Variants in BRAP observed in about 807,000 individuals in gnomAD.
BRAP encodes the protein BRCA1 associated protein, also known as BRCA1-associated protein.
BRAP carries 42 observed loss-of-function variants against 73.4 expected under a neutral mutation model. That is an observed-to-expected ratio of 0.57 (90% CI 0.45 to 0.74). The LOEUF is 0.74. Among genes scored for constraint, BRAP ranks in the 30% least tolerant of loss-of-function variants. The probability of loss-of-function intolerance (pLI) is 0.00; values close to 1 mark genes in which losing one functional copy is unlikely to be tolerated. For synonymous variants in BRAP, 255 were observed against 267.4 expected, an observed-to-expected ratio of 0.95 and a Z score of 0.45; for missense variants, 593 against 751.4, an observed-to-expected ratio of 0.79 and a Z score of 2.46.
Position 111,679,150 on chromosome 12 carries a change from C to G in BRAP, c.633+1G>C. 1 of 1,522,360 alleles carries G rather than the reference C, an allele frequency of 6.6e-7. No homozygotes were observed. Among genetic ancestry groups the G allele is most frequent in the South Asian group, 1.3e-5 (1 of 75,460 alleles). The allele number at this position is 1,522,360 out of a possible 1,614,324, so 94.3% of individuals were successfully genotyped here. A position where few individuals can be genotyped will look rare whatever the true frequency, so the allele number is the denominator to read the frequency against. On this transcript the variant is annotated splice_donor_variant, in intron 4 of 11. Coordinates refer to ENST00000419234, the MANE Select transcript of BRAP (RefSeq NM_006768.5). LOFTEE classifies it high-confidence loss of function. ...TTTTTAATAAATTTAATAACTTTTA[C>G]CTGTGCACGAAACTTTATCAGCACC...
intron 10 of BRAP, among the ~76,000 whole-genome samples, chr12:111,654,477 G>A (rs1007274044): frequency 2.0e-5 from 3 of 152,022 alleles, no homozygotes; most frequent in South Asian, 2.1e-4. Flanking sequence ...CACCACGCCC[G>A]ACCAGTTTCT....
rs373183804 is a variant in BRAP at position 111,658,692 on chromosome 12, G to A, written c.1221+44C>T. 2.8e-5 allele frequency: 38 copies of A among 1,336,602 alleles called. No homozygotes were observed. The African/African-American group carries it at 4.3e-4, about 15-fold the overall frequency. 82.8% of individuals were successfully genotyped at this position (1,336,602 alleles called of 1,614,324 possible). On this transcript the variant is annotated intron_variant, in intron 9 of 11. Transcript: ENST00000419234. ...AAATATTTCAAATTAGAATAGTAAAGAGCAGTAGAAACAGATAGAGTGATA... is the reference window on the plus strand; with the variant it reads ...AAATATTTCAAATTAGAATAGTAAAAAGCAGTAGAAACAGATAGAGTGATA...
chr12:111,654,811 G>A (rs1886460428), intron 10 of BRAP, among the ~76,000 whole-genome samples: 1 of 152,164 alleles, frequency 6.6e-6, no homozygotes, highest in Non-Finnish European at 1.5e-5. Context: ...GGTTACTAAA[G>A]TAATCATTGA....
chr12:111,650,127 A>C, intron 10 of BRAP, 85 bp from the exon 11 acceptor site: 1 of 966,206 alleles, frequency 1.0e-6, no homozygotes. Flanking sequence ...TTTCCCCCCA[A>C]TTATCTGTAT....
chr12:111,675,990 T>C (rs1887363661), intron 4 of BRAP, among the ~76,000 whole-genome samples: 1 of 152,118 alleles, frequency 6.6e-6, no homozygotes, highest in South Asian at 2.1e-4. Context: ...AGACCAAGTT[T>C]CCTAAGGGTC....
chr12:111,652,056 G>A (rs1014335236), intron 10 of BRAP, among the ~76,000 whole-genome samples: 1 of 152,118 alleles, frequency 6.6e-6, no homozygotes, highest in Non-Finnish European at 1.5e-5. Context: ...CAGAGCACTA[G>A]ATCCTTTTGA....
Position 111,643,435 on chromosome 12 carries a change from T to C in BRAP, c.*764A>G, listed in dbSNP as rs1885972516. 6.6e-6 allele frequency: 1 copy of C among 152,114 alleles called. No homozygotes were observed. The highest frequency in any genetic ancestry group is 1.5e-5 in the Non-Finnish European group (1 of 68,026). The allele number at this position is 152,114 out of a possible 1,614,324, so 9.4% of individuals were successfully genotyped here. A position where few individuals can be genotyped will look rare whatever the true frequency, so the allele number is the denominator to read the frequency against. ...GATGCTAGGATACCCACTCTGAGAT[T>C]TGAGTTTGGGAACAGCCATTAAGCC... On this transcript the variant is annotated 3_prime_UTR_variant, in exon 12 of 12. Coordinates refer to ENST00000419234, the MANE Select transcript of BRAP (RefSeq NM_006768.5).
chr12:111,660,073 CA>C (rs1468009476), intron 7 of BRAP, among the ~76,000 whole-genome samples: 30 of 135,282 alleles, frequency 2.2e-4, no homozygotes, highest in Admixed American at 2.3e-4. Context: ...TACCCTGTCT[CA>C]AAAAAAAAAG....
chr12:111,675,205 G>A (rs1466663649), intron 4 of BRAP, among the ~76,000 whole-genome samples: 3 of 151,840 alleles, frequency 2.0e-5, no homozygotes, highest in African/African-American at 7.3e-5. Context: ...AAGCTGCAGT[G>A]AGCCGAGATC....
chr12:111,681,664 T>C lies in BRAP; in HGVS notation c.416A>G (p.His139Arg). 1.2e-6 allele frequency: 2 copies of C among 1,612,644 alleles called. No homozygotes were observed. Among genetic ancestry groups the C allele is most frequent in the Non-Finnish European group, 1.7e-6 (2 of 1,179,404 alleles). The change falls in exon 3 of 12, where the codon CAT (histidine) becomes CGT (arginine). Residue 139 changes from histidine to arginine, a missense_variant. Physicochemically the swap from His to Arg is conservative, Grantham distance 29 (BLOSUM62 0). Around this residue, in one of 4 missense-constraint regions of BRAP, gnomAD observed 304 missense variants for 337.7 expected, o/e 0.90. Transcript: ENST00000419234. ...FSGNPSVEIV[H>R]GIMHLYKTNK... is the part of the protein sequence containing the mutation. Reference sequence around the variant, plus strand: ...TGTCTTATATAGGTGCATAATACCATGAACTATTTCAACTGATGGATTTCC... The same window carrying C: ...TGTCTTATATAGGTGCATAATACCACGAACTATTTCAACTGATGGATTTCC...
At chr12:111,644,910 C>G (rs1307351709) in intron 11 of BRAP, among the ~76,000 whole-genome samples, 2 of 151,904 alleles carry the variant, frequency 1.3e-5, no homozygotes, top group Non-Finnish European at 2.9e-5. Context: ...GCACCTGCCA[C>G]TATGCCTGGC....
intron 5 of BRAP, among the ~76,000 whole-genome samples, chr12:111,666,537 A>C (rs1357362754): frequency 3.3e-5 from 5 of 152,192 alleles, no homozygotes; most frequent in Non-Finnish European, 7.3e-5. Context: ...CAGATACGTT[A>C]AGTCCAAAAA....
Position 111,681,723 on chromosome 12 carries a change from G to A in BRAP, c.357C>T (p.Ser119=). Residue 119 remains serine (S), a synonymous_variant, in exon 3 of 12, where the codon TCC becomes TCT. Transcript: ENST00000419234. The part of the protein sequence containing the change: ...ECINAAPDSP[S]KQLPDQISFF... ...ATGAAATCTGGTCTGGAAGCTGTTT[G>A]GACGGAGAATCTGGGGCAGCGTTTA... 1 of 1,614,064 alleles carries A rather than the reference G, an allele frequency of 6.2e-7. No individual in the cohort carries two copies. The highest frequency in any genetic ancestry group is 8.5e-7 in the Non-Finnish European group (1 of 1,179,982).
At chr12:111,673,466 T>G (rs546640332) in intron 4 of BRAP, among the ~76,000 whole-genome samples, 12 of 150,114 alleles carry the variant, frequency 8.0e-5, no homozygotes, top group Admixed American at 2.7e-4. Flanking sequence ...ATCGGGCCAT[T>G]GTACTCTAGC....
rs781582359 is a variant in BRAP, at chr12:111,644,252, C to T, written c.1726G>A (p.Gly576Arg). 3.7e-6 allele frequency: 6 copies of T among 1,613,976 alleles called. 1 individual carries two copies. In the South Asian group the frequency reaches 4.4e-5, roughly 12 times the overall value. ...MASASSPASSGGSGKLPSRKG... is the reference protein window; with the variant it reads ...MASASSPASSRGSGKLPSRKG... ...CTGGAGGGCAACTTCCCACTGCCCCCCGAAGAGGCAGGGCTCGAGGCCGAG... is the reference window on the plus strand; with the variant it reads ...CTGGAGGGCAACTTCCCACTGCCCCTCGAAGAGGCAGGGCTCGAGGCCGAG... Residue 576 changes from glycine (G) to arginine (R), a missense_variant, in exon 12 of 12, where the codon GGG (glycine) becomes AGG (arginine). This residue lies in a region of BRAP where 79 missense variants were observed against 65.3 expected (regional missense o/e 1.21). Transcript: ENST00000419234.
chr12:111,646,475 A>G (rs1166653672), intron 11 of BRAP, among the ~76,000 whole-genome samples: 1 of 152,122 alleles, frequency 6.6e-6, no homozygotes, highest in Non-Finnish European at 1.5e-5. Flanking sequence ...GGCAATATCT[A>G]TAAAAACAAA....
At chr12:111,650,297 G>A (rs530382300) in intron 10 of BRAP, among the ~76,000 whole-genome samples, 7 of 151,922 alleles carry the variant, frequency 4.6e-5, no homozygotes, top group Non-Finnish European at 1.0e-4. Context: ...CCAGAGTCTC[G>A]CTCTGTCGCC....
intron 2 of BRAP, 152 bp downstream of exon 2, chr12:111,682,994 C>T: frequency 1.3e-6 from 1 of 784,984 alleles, no homozygotes; most frequent in East Asian, 2.8e-5. Context: ...GAAACACTAA[C>T]ATGTGGCTTA....
At chr12:111,667,711 A>AAAAAAAAAAAAAAAC (rs1887004558) in intron 5 of BRAP, among the ~76,000 whole-genome samples, 1 of 147,312 alleles carries the variant, frequency 6.8e-6, no homozygotes, top group Non-Finnish European at 1.5e-5. Flanking sequence ...AAAAAAAAAA[A>AAAAAAAAAAAAAAAC]AAAAAAAAAA....
Sources: allele counts gnomAD v4.1 joint callset (sites outside exome capture counted in the v4.1 genomes callset), GRCh38; gene constraint gnomAD v4.1.1; regional missense constraint gnomAD v4.1.1; transcripts MANE v1.5; gene names NCBI Gene and HGNC (gene_info 2026-07-23, HGNC 2026-07-21).